Variants in PKD1 observed in about 807,000 individuals in gnomAD.
PKD1 encodes the protein polycystin 1, transient receptor potential channel interacting.
In PKD1, 81 loss-of-function variants were observed where a neutral mutation model predicts 361.7. That is an observed-to-expected ratio of 0.22 (90% confidence interval 0.19 to 0.27). The LOEUF is 0.27. Ranked by LOEUF, PKD1 falls within the 10% of genes least tolerant of loss-of-function variation. The pLI, the probability that PKD1 is intolerant of heterozygous loss-of-function variation, is 1.00. For synonymous variants in PKD1, 3,615 were observed against 2,818.3 expected, an observed-to-expected ratio of 1.28 and a Z score of -8.95; for missense variants, 6,399 against 6,118.3, an observed-to-expected ratio of 1.05 and a Z score of -1.53.
In PKD1 at chr16:2,112,483, C is replaced by T. The variant is rs749582224; in HGVS notation, c.3162-10G>A. Reference sequence around the variant, plus strand: ...ATCCCCAAAGGTCCACCTGCCGGGGCGGTGGGACGCAGTGAGTGAACCGGG... The same window carrying T: ...ATCCCCAAAGGTCCACCTGCCGGGGTGGTGGGACGCAGTGAGTGAACCGGG... On this transcript the variant is annotated splice_polypyrimidine_tract_variant and intron_variant, in intron 13 of 45. Coordinates refer to ENST00000262304, the MANE Select transcript of PKD1 (RefSeq NM_001009944.3). 2.7e-5 allele frequency: 43 copies of T among 1,571,846 alleles called. No homozygotes were observed. The highest frequency in any genetic ancestry group is 2.3e-4 in the Middle Eastern group (1 of 4,380).
chr16:2,127,243 G>A (rs933999367), intron 1 of PKD1, among the ~76,000 whole-genome samples: 53 of 152,224 alleles, frequency 3.5e-4, no homozygotes, highest in Admixed American at 7.2e-4. Context: ...GCCAGCTTAC[G>A]TCAAAAGAAC....
rs566014072 is a variant in PKD1 at position 2,110,321 on chromosome 16, C to T, written c.4846G>A (p.Glu1616Lys). The T allele has an allele frequency of 3.1e-6, 5 of 1,612,648 alleles. No individual in the cohort carries two copies. Among genetic ancestry groups the T allele is most frequent in the East Asian group, 2.2e-5 (1 of 44,882 alleles). Residue 1616 changes from glutamate (E) to lysine (K), a missense_variant, in exon 15 of 46, where the codon GAG (glutamate) becomes AAG (lysine). By Grantham distance (56) the Glu-to-Lys change is moderately conservative. Transcript: ENST00000262304. ...TFNIIVTAEN[E>K]VGSAQDSIFV... ...ATGCTGTCCTGGGCGGAGCCCACCT[C>T]GTTCTCAGCCGTGACGATGATATTG...
Position 2,103,809 on chromosome 16 carries a change from A to G in PKD1, c.8248T>C (p.Ser2750Pro), listed in dbSNP as rs1226243624. Residue 2750 changes from serine to proline, a missense_variant, in exon 23 of 46, where the codon TCC (serine) becomes CCC (proline). Coordinates refer to ENST00000262304, the MANE Select transcript of PKD1 (RefSeq NM_001009944.3). ...GCAGAGGTCAGGTTGTAGGCCTGGG[A>G]CGCCACCATCCGAGATGGTGACTCG... ...GAESPSRMVA[S>P]QAYNLTSALM... The G allele has an allele frequency of 3.1e-6, 5 of 1,609,098 alleles. No individual in the cohort carries two copies. Among genetic ancestry groups the G allele is most frequent in the Middle Eastern group, 4.5e-4 (2 of 4,432 alleles).
At chr16:2,096,290 C>T (rs929387353) in intron 34 of PKD1, among the ~76,000 whole-genome samples, 1 of 152,270 alleles carries the variant, frequency 6.6e-6, no homozygotes, top group African/African-American at 2.4e-5. Flanking sequence ...CTGCATGCCA[C>T]TGCACTGAAT....
At position 2,112,203 on chromosome 16, in the gene PKD1, G is replaced by A. The variant is rs1445788336; in HGVS notation, c.3295+137C>T. The A allele has an allele frequency of 4.7e-5, 38 of 804,486 alleles. 1 individual carries two copies. Among genetic ancestry groups the A allele is most frequent in the Non-Finnish European group, 7.0e-5 (34 of 483,292 alleles). The allele number at this position is 804,486 out of a possible 1,614,324, so 49.8% of individuals were successfully genotyped here. A position where few individuals can be genotyped will look rare whatever the true frequency, so the allele number is the denominator to read the frequency against. Reference sequence around the variant, plus strand: ...CCTGGCCCCTCCCTCACCCCAGTAGGGGCCTAAGCCATCAGCCCAGGTGAG... The same window carrying A: ...CCTGGCCCCTCCCTCACCCCAGTAGAGGCCTAAGCCATCAGCCCAGGTGAG... On this transcript the variant is annotated intron_variant, in intron 14 of 45. Transcript: ENST00000262304.
chr16:2,109,456 A>C lies in PKD1; in HGVS notation c.5711T>G (p.Leu1904Arg), dbSNP rs769416495. The change falls in exon 15 of 46, where the codon CTG (leucine) becomes CGG (arginine). Residue 1904 changes from leucine to arginine, a missense_variant. Physicochemically the swap from Leu to Arg is moderately radical, Grantham distance 102. Transcript: ENST00000262304. ...ASSKVVAPGQ[L>R]VHFQILLAAG... ...AGCCAGCAGGATCTGAAAATGGACC[A>C]GCTGCCCGGGCGCCACCACCTTGCT... The C allele has an allele frequency of 6.2e-7, 1 of 1,607,584 alleles. No individual in the cohort carries two copies. Among genetic ancestry groups the C allele is most frequent in the African/African-American group, 1.3e-5 (1 of 74,992 alleles).
At chr16:2,123,325 C>T (rs916934408) in intron 1 of PKD1, 8 of 345,962 alleles carry the variant, frequency 2.3e-5, no homozygotes, top group African/African-American at 1.7e-4. Context: ...GGTGCAGTCC[C>T]CCAGCCCCCA....
chr16:2,090,155 G>A lies in PKD1; in HGVS notation c.12484C>T (p.Pro4162Ser), dbSNP rs757996741. 41 of 1,596,342 alleles carry A rather than the reference G, an allele frequency of 2.6e-5. No individual in the cohort carries two copies. The highest frequency in any genetic ancestry group is 6.7e-5 in the African/African-American group (5 of 74,618). Residue 4162 changes from proline to serine, a missense_variant, in exon 46 of 46, where the codon CCC becomes TCC. By Grantham distance (74) the Pro-to-Ser change is moderately conservative. Coordinates refer to ENST00000262304, the MANE Select transcript of PKD1 (RefSeq NM_001009944.3). ...KVRFEGMEPL[P>S]SRSSRGSKVS... ...TTGGAGCCCCTGGAGGAGCGAGAGG[G>A]CAGCGGCTCCATCCCTTCAAAGCGG...
Position 2,135,564 on chromosome 16 carries a change from C to A in PKD1, c.126G>T (p.Ala42=), listed in dbSNP as rs2092940804. 8 of 1,111,190 alleles carry A rather than the reference C, an allele frequency of 7.2e-6. No homozygotes were observed. The East Asian group carries it at 2.9e-4, about 41-fold the overall frequency. The allele number at this position is 1,111,190 out of a possible 1,614,324, so 68.8% of individuals were successfully genotyped here. A position where few individuals can be genotyped will look rare whatever the true frequency, so the allele number is the denominator to read the frequency against. Residue 42 remains alanine, a synonymous_variant, in exon 1 of 46, where the codon GCG becomes GCT. Coordinates refer to ENST00000262304, the MANE Select transcript of PKD1 (RefSeq NM_001009944.3). ...AGTTGACGCGGCAGGCGGCGCCGGG[C>A]GCTGGGCCGCAGAGGCAGGGGGGCT... The part of the protein sequence containing the change: ...PCEPPCLCGP[A]PGAACRVNCS...
intron 13 of PKD1, 94 bp from the exon 14 acceptor site, chr16:2,112,567 G>A (rs1052815306): frequency 7.5e-5 from 89 of 1,192,636 alleles, no homozygotes; most frequent in Non-Finnish European, 4.5e-5. Flanking sequence ...GCTCCACTCT[G>A]CAGTCACGCC....
rs759227115 is a variant in PKD1, at chr16:2,114,249, C to T, written c.2774G>A (p.Arg925Gln). ...NSASRANLSLRVTAEEPICGL... is the reference protein window; with the variant it reads ...NSASRANLSLQVTAEEPICGL... ...ACAGATGGGCTCCTCCGCCGTCACCCGCAGGCTGAGGTTGGCCCGGCTGGC... is the reference window on the plus strand; with the variant it reads ...ACAGATGGGCTCCTCCGCCGTCACCTGCAGGCTGAGGTTGGCCCGGCTGGC... Residue 925 changes from arginine (R) to glutamine (Q), a missense_variant, in exon 11 of 46, where the codon CGG becomes CAG. By Grantham distance (43) the Arg-to-Gln change is conservative. Transcript: ENST00000262304. The T allele has an allele frequency of 2.1e-5, 34 of 1,610,006 alleles. No homozygotes were observed. Among genetic ancestry groups the T allele is most frequent in the South Asian group, 4.4e-5 (4 of 90,982 alleles).
rs553377243 is a variant in PKD1 at position 2,091,913 on chromosome 16, G to A, written c.11412-7C>T. On this transcript the variant is annotated splice_polypyrimidine_tract_variant and splice_region_variant and intron_variant, in intron 40 of 45. Coordinates refer to ENST00000262304, the MANE Select transcript of PKD1 (RefSeq NM_001009944.3). ...GGAGCCCCAGGACCATGCCCTGCCG[G>A]AGAGGGGTGGCGTGGGTGCCGCACC... 6.4e-4 allele frequency: 1,037 copies of A among 1,611,628 alleles called. 6 individuals carry two copies. The highest frequency in any genetic ancestry group is 3.8e-4 in the Admixed American group (23 of 59,974).
In PKD1 at chr16:2,114,508, G is replaced by A. The variant is rs146651553; in HGVS notation, c.2515C>T (p.Pro839Ser). The A allele has an allele frequency of 4.9e-4, 785 of 1,595,572 alleles. 5 individuals are homozygous for A. In the African/African-American group the frequency reaches 9.5e-3, roughly 19 times the overall value. The change falls in exon 11 of 46, where the codon CCC (proline) becomes TCC (serine). Residue 839 changes from proline (P) to serine (S), a missense_variant. Coordinates refer to ENST00000262304, the MANE Select transcript of PKD1 (RefSeq NM_001009944.3). ...PAPRDGRLYV[P>S]TNGSALVLQV... is the part of the protein sequence containing the mutation. Reference sequence around the variant, plus strand: ...AGCACCAAGGCTGAGCCGTTGGTGGGCACGTAGAGGCGGCCGTCGCGGGGG... The same window carrying A: ...AGCACCAAGGCTGAGCCGTTGGTGGACACGTAGAGGCGGCCGTCGCGGGGG...
Position 2,097,256 on chromosome 16 carries a change from G to A in PKD1, c.10406-15C>T, listed in dbSNP as rs1471468287. On this transcript the variant is annotated splice_polypyrimidine_tract_variant and intron_variant, in intron 33 of 45. Transcript: ENST00000262304. ...CAGGTCTTCATCTAGAGGTACAGGA[G>A]GCATAGGGTGGGCCCAGCTGCAAGG... The A allele has an allele frequency of 6.3e-6, 10 of 1,597,900 alleles. No homozygotes were observed. The highest frequency in any genetic ancestry group is 1.7e-5 in the Admixed American group (1 of 57,562).
At chr16:2,099,623 G>A (rs570626920) in intron 30 of PKD1, 21 bp downstream of exon 30, 97 of 1,580,220 alleles carry the variant, frequency 6.1e-5, no homozygotes, top group Admixed American at 5.5e-4. Context: ...CAGTACTCCC[G>A]GGTCCCCAGC....
chr16:2,108,820 C>G lies in PKD1; in HGVS notation c.6347G>C (p.Arg2116Thr). ...DEPRAEHSYL[R>T]PGDYRVQVNA... is the part of the protein sequence containing the mutation. ...CACCTGCACGCGGTAGTCCCCAGGC[C>G]TCAGGTAGGAGTGCTCGGCCCTGGG... Residue 2116 changes from arginine (R) to threonine (T), a missense_variant, in exon 15 of 46, where the codon AGG becomes ACG. Coordinates refer to ENST00000262304, the MANE Select transcript of PKD1 (RefSeq NM_001009944.3). 1.3e-6 allele frequency: 2 copies of G among 1,569,986 alleles called. No individual in the cohort carries two copies. Among genetic ancestry groups the G allele is most frequent in the East Asian group, 4.7e-5 (2 of 42,196 alleles).
intron 9 of PKD1, among the ~76,000 whole-genome samples, 165 bp downstream of exon 9, chr16:2,115,827 C>G (rs988387602): frequency 6.6e-6 from 1 of 152,196 alleles, no homozygotes; most frequent in Non-Finnish European, 1.5e-5. Context: ...CCCAATCCAC[C>G]CCCAGGACAC....
Position 2,099,964 on chromosome 16 carries a change from G to T in PKD1, c.9820C>A (p.Arg3274Ser). 6.4e-7 allele frequency: 1 copy of T among 1,562,782 alleles called. No homozygotes were observed. The highest frequency in any genetic ancestry group is 8.7e-7 in the Non-Finnish European group (1 of 1,155,020). Residue 3274 changes from arginine (R) to serine (S), a missense_variant, in exon 29 of 46, where the codon CGT (arginine) becomes AGT (serine). Transcript: ENST00000262304. ...LSIWDRPPRSRFTRIQRATCC... is the reference protein window; with the variant it reads ...LSIWDRPPRSSFTRIQRATCC... ...GTGGCCCTCTGGATGCGAGTGAAAC[G>T]GCTACGAGGCGGCCGGTCCCATATG...
At chr16:2,092,284 G>T (rs1053452981) in intron 39 of PKD1, 96 bp from the exon 40 acceptor site, 2 of 1,355,180 alleles carry the variant, frequency 1.5e-6, no homozygotes, top group African/African-American at 1.4e-5. Context: ...CTGGTTCGGC[G>T]CCACCCCAGG....
Sources: gnomAD v4.1 joint callset for allele counts (sites outside exome capture counted in the v4.1 genomes callset) on GRCh38, gnomAD v4.1.1 for gene constraint, MANE v1.5 for transcripts, NCBI Gene and HGNC (gene_info 2026-07-23, HGNC 2026-07-21) for gene names.